The following REV3L variants were observed in gnomAD, a reference collection of about 807,000 sequenced individuals.
The protein encoded by REV3L is REV3 like, DNA directed polymerase zeta catalytic subunit.
A neutral mutation model predicts 299.4 loss-of-function variants in REV3L; 69 were observed. The ratio of observed to expected loss-of-function variants is 0.23; its 90% confidence interval spans 0.19 to 0.28. The LOEUF is 0.28. Among genes scored for constraint, REV3L ranks in the 10% least tolerant of loss-of-function variants. The pLI, the probability that REV3L is intolerant of heterozygous loss-of-function variation, is 1.00. For synonymous variants in REV3L, 1,238 were observed against 1,271.4 expected (o/e 0.97, Z 0.56); for missense variants, 3,128 against 3,693.8 (o/e 0.85, Z 3.97).
intron 2 of REV3L, among the ~76,000 whole-genome samples, chr6:111,413,482 T>A (rs1485277912): frequency 6.6e-6 from 1 of 152,030 alleles, no homozygotes; most frequent in African/African-American, 2.4e-5. Flanking sequence ...TGAGAAGGAA[T>A]CCCAGAAATT....
At chr6:111,416,231 A>C in intron 2 of REV3L, 52 bp downstream of exon 2, 1 of 1,286,948 alleles carries the variant, frequency 7.8e-7, no homozygotes, top group Non-Finnish European at 1.1e-6. Context: ...TTTTCCTCTA[A>C]ATAGAATAGC....
At chr6:111,357,256 C>T (rs1385295207) in intron 17 of REV3L, 131 bp from the exon 18 acceptor site, 1 of 334,992 alleles carries the variant, frequency 3.0e-6, no homozygotes, top group Non-Finnish European at 5.3e-6. Context: ...AAGAAAACAT[C>T]TCCCCAAGTG....
Position 111,333,347 on chromosome 6 carries a change from C to T in REV3L, c.7701G>A (p.Met2567Ile), listed in dbSNP as rs1388909033. 1.2e-6 allele frequency: 2 copies of T among 1,614,010 alleles called. No homozygotes were observed. Among genetic ancestry groups the T allele is most frequent in the Non-Finnish European group, 8.5e-7 (1 of 1,179,978 alleles). ...RGSQYRVESMMLRIAKPMNYI... is the reference protein window; with the variant it reads ...RGSQYRVESMILRIAKPMNYI... ...AGTTCATTGGTTTAGCAATACGCAA[C>T]ATCATTGATTCCACACGGTACTGCA... The change falls in exon 23 of 32, where the codon ATG becomes ATA. Residue 2567 changes from methionine (M) to isoleucine (I), a missense_variant. Around this residue, in one of 9 missense-constraint regions of REV3L, gnomAD observed 149 missense variants for 286.4 expected, o/e 0.52. Coordinates refer to ENST00000368802, the MANE Select transcript of REV3L (RefSeq NM_001372078.1).
intron 13 of REV3L, among the ~76,000 whole-genome samples, chr6:111,368,340 C>A (rs1391093051): frequency 6.6e-6 from 1 of 152,132 alleles, no homozygotes; most frequent in African/African-American, 2.4e-5. Flanking sequence ...TTTTCAGATT[C>A]CTTTCCTCTC....
At position 111,392,945 on chromosome 6, in the gene REV3L, C is replaced by T; in HGVS notation, c.593G>A (p.Cys198Tyr). ...AGAATTTCCTGATAAATGATTCTTGCAGGATCCAGTTGCATGCAATGTATT... is the reference window on the plus strand; with the variant it reads ...AGAATTTCCTGATAAATGATTCTTGTAGGATCCAGTTGCATGCAATGTATT... The part of the protein sequence containing the change: ...KSNTLHATGS[C>Y]KNHLSGNSLA... Residue 198 changes from cysteine (C) to tyrosine (Y), a missense_variant, in exon 5 of 32, where the codon TGC becomes TAC. Physicochemically the swap from Cys to Tyr is radical, Grantham distance 194 (BLOSUM62 -2). Transcript: ENST00000368802. 1 of 1,611,640 alleles carries T rather than the reference C, an allele frequency of 6.2e-7. No individual in the cohort carries two copies. The highest frequency in any genetic ancestry group is 8.5e-7 in the Non-Finnish European group (1 of 1,178,054).
At chr6:111,399,645 T>A (rs1033188438) in intron 4 of REV3L, among the ~76,000 whole-genome samples, 2 of 151,956 alleles carry the variant, frequency 1.3e-5, no homozygotes, top group Admixed American at 1.3e-4. Flanking sequence ...CCAATTTGGG[T>A]TTGTCTGATG....
At chr6:111,471,156 T>C (rs777457899) in intron 1 of REV3L, among the ~76,000 whole-genome samples, 5 of 152,144 alleles carry the variant, frequency 3.3e-5, no homozygotes, top group Non-Finnish European at 7.3e-5. Flanking sequence ...CATTTTTGTG[T>C]GTGTTACAAA....
At chr6:111,481,738 A>C (rs1205714382) in intron 1 of REV3L, among the ~76,000 whole-genome samples, 2 of 152,186 alleles carry the variant, frequency 1.3e-5, no homozygotes, top group African/African-American at 4.8e-5. Flanking sequence ...CCATTATTTC[A>C]TGGAAGCAGT....
At chr6:111,400,211 A>C (rs1442194152) in intron 4 of REV3L, among the ~76,000 whole-genome samples, 1 of 152,210 alleles carries the variant, frequency 6.6e-6, no homozygotes, top group African/African-American at 2.4e-5. Context: ...ACATTTGCAT[A>C]CAGGTTTGGG....
At chr6:111,368,124 C>T in intron 13 of REV3L, 96 bp from the exon 14 acceptor site, 3 of 1,030,602 alleles carry the variant, frequency 2.9e-6, no homozygotes, top group Non-Finnish European at 4.1e-6. Context: ...TTTGGAGTCT[C>T]AAAAATGTCC....
intron 9 of REV3L, 51 bp downstream of exon 9, chr6:111,387,714 T>A (rs2128251343): frequency 1.3e-6 from 2 of 1,519,348 alleles, no homozygotes; most frequent in Middle Eastern, 1.7e-4. Context: ...AACATCTCAG[T>A]GCTAGATATC....
At chr6:111,413,400 A>T (rs1239433544) in intron 2 of REV3L, among the ~76,000 whole-genome samples, 2 of 152,144 alleles carry the variant, frequency 1.3e-5, no homozygotes, top group Admixed American at 1.3e-4. Flanking sequence ...GAGTGTGGAT[A>T]GCGAAAAATC....
chr6:111,450,729 A>C (rs1789434841), intron 1 of REV3L, among the ~76,000 whole-genome samples: 1 of 152,162 alleles, frequency 6.6e-6, no homozygotes, highest in South Asian at 2.1e-4. Flanking sequence ...TGGATAATTA[A>C]AGAAAAAAAC....
At position 111,299,165 on chromosome 6, in the gene REV3L, C is replaced by G. The variant is rs560135796; in HGVS notation, c.*851G>C. On this transcript the variant is annotated 3_prime_UTR_variant, in exon 32 of 32. Coordinates refer to ENST00000368802, the MANE Select transcript of REV3L (RefSeq NM_001372078.1). ...TATTTTACACAGTTATACAAATATT[C>G]TAAATACACATTTTGTGTTCAAGAT... The G allele has an allele frequency of 6.6e-5, 10 of 152,478 alleles. No individual in the cohort carries two copies. In the South Asian group the frequency reaches 1.9e-3, roughly 28 times the overall value. 9.4% of individuals were successfully genotyped at this position (152,478 alleles called of 1,614,324 possible). A position where few individuals can be genotyped will look rare whatever the true frequency, so the allele number is the denominator to read the frequency against.
chr6:111,363,918 A>G lies in REV3L; in HGVS notation c.6814T>C (p.Leu2272=). Residue 2272 remains leucine, a synonymous_variant, in exon 16 of 32, where the codon TTA becomes CTA. Coordinates refer to ENST00000368802, the MANE Select transcript of REV3L (RefSeq NM_001372078.1). ...KETSQIDGPS[L]NNTYGFKVSI... ...ACTTTGAAACCGTAAGTATTGTTTA[A>G]AGATGGTCCATCAATCTGAGAAGTT... The G allele has an allele frequency of 6.2e-7, 1 of 1,613,502 alleles. No individual in the cohort carries two copies. Among genetic ancestry groups the G allele is most frequent in the Non-Finnish European group, 8.5e-7 (1 of 1,179,726 alleles).
At chr6:111,419,718 G>C (rs1582916105) in intron 1 of REV3L, among the ~76,000 whole-genome samples, 1 of 152,286 alleles carries the variant, frequency 6.6e-6, no homozygotes, top group Admixed American at 6.5e-5. Context: ...TTAAGAACTT[G>C]TGACTTCAGT....
chr6:111,392,800 A>G, intron 5 of REV3L, 76 bp downstream of exon 5: 3 of 921,460 alleles, frequency 3.3e-6, no homozygotes, highest in Non-Finnish European at 5.2e-6. Flanking sequence ...TTAAAATTTA[A>G]TTATGGTAAC....
chr6:111,358,720 A>G, intron 17 of REV3L, 102 bp downstream of exon 17: 1 of 832,070 alleles, frequency 1.2e-6, no homozygotes, highest in Non-Finnish European at 1.8e-6. Flanking sequence ...TTTAGAAAAG[A>G]GTCATCATGC....
chr6:111,417,307 C>T (rs1784879353), intron 1 of REV3L, among the ~76,000 whole-genome samples: 1 of 152,146 alleles, frequency 6.6e-6, no homozygotes, highest in Admixed American at 6.5e-5. Flanking sequence ...TAAGTAACAA[C>T]AATGGCAACA....
Sources: gnomAD v4.1 joint callset for allele counts (sites outside exome capture counted in the v4.1 genomes callset) on GRCh38, gnomAD v4.1.1 for gene constraint, gnomAD v4.1.1 regional missense constraint, MANE v1.5 for transcripts, NCBI Gene and HGNC (gene_info 2026-07-23, HGNC 2026-07-21) for gene names.